Variants in MAPRE3 observed in about 807,000 individuals in gnomAD.
MAPRE3 encodes the protein microtubule associated protein RP/EB family member 3.
Under a neutral mutation model 30.5 loss-of-function variants are expected in MAPRE3, and 2 were observed. The ratio of observed to expected loss-of-function variants is 0.07; its 90% CI spans 0.03 to 0.21. The LOEUF is 0.21. Ranked by LOEUF, MAPRE3 falls within the 10% of genes least tolerant of loss-of-function variation. MAPRE3 has a pLI of 1.00. For synonymous variants in MAPRE3, 110 were observed against 127.7 expected, an observed-to-expected ratio of 0.86 and a Z score of 0.93; for missense variants, 204 against 351.8, an observed-to-expected ratio of 0.58 and a Z score of 3.36.
intron 1 of MAPRE3, among the ~76,000 whole-genome samples, chr2:26,998,513 T>G (rs965135562): frequency 2.0e-5 from 3 of 152,224 alleles, no homozygotes; most frequent in Non-Finnish European, 4.4e-5. Context: ...TCACTGGCTG[T>G]GTTACCTTGA....
intron 4 of MAPRE3, among the ~76,000 whole-genome samples, 183 bp from the exon 5 acceptor site, chr2:27,025,400 T>C (rs959340729): frequency 6.6e-5 from 10 of 152,194 alleles, no homozygotes; most frequent in Admixed American, 1.3e-4. Flanking sequence ...GCCCAGCTGC[T>C]GGAGTGTCCA....
chr2:26,978,986 G>A (rs1666065400), intron 1 of MAPRE3, among the ~76,000 whole-genome samples: 1 of 152,210 alleles, frequency 6.6e-6, no homozygotes, highest in South Asian at 2.1e-4. Flanking sequence ...TCTGGCAAAA[G>A]AGTTGGACAC....
At chr2:26,998,004 C>A (rs1406166877) in intron 1 of MAPRE3, among the ~76,000 whole-genome samples, 1 of 152,222 alleles carries the variant, frequency 6.6e-6, no homozygotes, top group Non-Finnish European at 1.5e-5. Flanking sequence ...GGACCTCACC[C>A]TTTCCTGGGG....
intron 1 of MAPRE3, among the ~76,000 whole-genome samples, chr2:26,998,098 G>A (rs1057351721): frequency 1.3e-5 from 2 of 152,202 alleles, no homozygotes; most frequent in African/African-American, 4.8e-5. Flanking sequence ...TCTTCAGTGG[G>A]TCAACATCTG....
chr2:27,019,780 A>G (rs1190344458), intron 1 of MAPRE3, among the ~76,000 whole-genome samples: 1 of 152,242 alleles, frequency 6.6e-6, no homozygotes, highest in Admixed American at 6.5e-5. Context: ...AAGGAGGAAG[A>G]ACTAGGAATA....
chr2:27,006,213 A>C lies in MAPRE3; in HGVS notation c.-7-15999A>C, dbSNP rs540367586. The stretch of plus-strand genomic sequence containing the variant: ...AAAAACAAAAACAAAAACAAAAAAA[A>C]AACAAGTGTGTGGAAGCCATTAGCT... On this transcript the variant is annotated intron_variant, in intron 1 of 6. Coordinates refer to ENST00000233121, the MANE Select transcript of MAPRE3 (RefSeq NM_012326.4). Among the ~76,000 whole-genome samples, 1,155 of 152,212 alleles carry C rather than the reference A, an allele frequency of 7.6e-3. 8 individuals are homozygous for C. Among genetic ancestry groups the C allele is most frequent in the Non-Finnish European group, 0.012 (802 of 67,994 alleles).
intron 4 of MAPRE3, among the ~76,000 whole-genome samples, chr2:27,025,353 C>T (rs1667213492): frequency 6.6e-6 from 1 of 152,200 alleles, no homozygotes; most frequent in Non-Finnish European, 1.5e-5. Flanking sequence ...TGTTTAGTTC[C>T]CTATAGTTTC....
At position 27,026,313 on chromosome 2, in the gene MAPRE3, G is replaced by A; in HGVS notation, c.811G>A (p.Glu271Lys). The A allele has an allele frequency of 6.2e-7, 1 of 1,614,052 alleles. No individual in the cohort carries two copies. The highest frequency in any genetic ancestry group is 8.5e-7 in the Non-Finnish European group (1 of 1,179,968). Residue 271 changes from glutamate (E) to lysine (K), a missense_variant, in exon 7 of 7, where the codon GAA becomes AAA. Physicochemically the swap from Glu to Lys is moderately conservative, Grantham distance 56 (BLOSUM62 1). Around this residue, in one of 5 missense-constraint regions of MAPRE3, gnomAD observed 26 missense variants for 25.6 expected, o/e 1.02. Transcript: ENST00000233121. ...CGCACCCCCTGAGGACGATGAGATT[G>A]AAGAGCATCAACAAGAAGACCAGGA... Reference protein sequence around the residue: ...GFAPPEDDEIEEHQQEDQDEY With the variant: ...GFAPPEDDEIKEHQQEDQDEY
chr2:27,020,465 G>A (rs116505396), intron 1 of MAPRE3, among the ~76,000 whole-genome samples: 84 of 152,310 alleles, frequency 5.5e-4, no homozygotes, highest in African/African-American at 2.0e-3. Flanking sequence ...TGATAAAGAT[G>A]TGGTTACAAG....
intron 3 of MAPRE3, 81 bp downstream of exon 3, chr2:27,023,558 G>A (rs1333391146): frequency 7.0e-6 from 11 of 1,564,148 alleles, no homozygotes; most frequent in Admixed American, 3.4e-5. Context: ...AGGCAACTGG[G>A]GCTGCTGGGG....
intron 1 of MAPRE3, among the ~76,000 whole-genome samples, chr2:26,982,570 A>T (rs1222921784): frequency 6.6e-6 from 1 of 152,236 alleles, no homozygotes; most frequent in Non-Finnish European, 1.5e-5. Flanking sequence ...GCAGGAGCAA[A>T]AGTGCATTGT....
chr2:26,983,145 G>C lies in MAPRE3; in HGVS notation c.-8+12343G>C, dbSNP rs1265878984. ...AAGCTTCCAGTAAGACAGAGACAGAGATAGACATTCAGAGACGGAACCCAC... is the reference window on the plus strand; with the variant it reads ...AAGCTTCCAGTAAGACAGAGACAGACATAGACATTCAGAGACGGAACCCAC... On this transcript the variant is annotated intron_variant, in intron 1 of 6. Coordinates refer to ENST00000233121, the MANE Select transcript of MAPRE3 (RefSeq NM_012326.4). Among the ~76,000 whole-genome samples the C allele has an allele frequency of 9.9e-5, 15 of 152,274 alleles. 1 individual carries two copies. The South Asian group carries it at 2.9e-3, about 29-fold the overall frequency.
intron 1 of MAPRE3, among the ~76,000 whole-genome samples, chr2:26,982,869 G>T (rs1477897624): frequency 6.6e-6 from 1 of 152,188 alleles, no homozygotes; most frequent in Non-Finnish European, 1.5e-5. Context: ...GTACCTAGGA[G>T]TGAGTATATA....
At chr2:27,017,976 C>T (rs761593411) in intron 1 of MAPRE3, among the ~76,000 whole-genome samples, 6 of 152,214 alleles carry the variant, frequency 3.9e-5, no homozygotes, top group Non-Finnish European at 8.8e-5. Context: ...GAACCATTAG[C>T]AGGTCCAATC....
In MAPRE3 at chr2:27,026,343, T is replaced by G; in HGVS notation, c.841T>G (p.Tyr281Asp). The G allele has an allele frequency of 1.2e-6, 2 of 1,613,428 alleles. No individual in the cohort carries two copies. The highest frequency in any genetic ancestry group is 1.7e-6 in the Non-Finnish European group (2 of 1,179,706). ...GCATCAACAAGAAGACCAGGACGAGTACTGAGGGCGGCCGCAGCCCTGGCT... is the reference window on the plus strand; with the variant it reads ...GCATCAACAAGAAGACCAGGACGAGGACTGAGGGCGGCCGCAGCCCTGGCT... ...EEHQQEDQDE[Y>D] The change falls in exon 7 of 7, where the codon TAC (tyrosine) becomes GAC (aspartate). Residue 281 changes from tyrosine to aspartate, a missense_variant. Tyr to Asp is a radical substitution (Grantham distance 160). Coordinates refer to ENST00000233121, the MANE Select transcript of MAPRE3 (RefSeq NM_012326.4).
intron 1 of MAPRE3, among the ~76,000 whole-genome samples, chr2:26,982,191 T>G (rs893265064): frequency 1.3e-5 from 2 of 152,234 alleles, no homozygotes; most frequent in Non-Finnish European, 2.9e-5. Context: ...TCCTAGATCA[T>G]TCACTTTGAC....
rs141185441 is a variant in MAPRE3, at chr2:26,978,865, A to G, written c.-8+8063A>G. Among the ~76,000 whole-genome samples, 8 of 152,352 alleles carry G rather than the reference A, an allele frequency of 5.3e-5. No homozygotes were observed. The East Asian group carries it at 1.5e-3, about 29-fold the overall frequency. ...GGCTGTAATGTGTGTGGAAGACAAG[A>G]TGGATATATGGAATGATTAGTGCAT... On this transcript the variant is annotated intron_variant, in intron 1 of 6. Coordinates refer to ENST00000233121, the MANE Select transcript of MAPRE3 (RefSeq NM_012326.4).
chr2:26,975,833 A>G (rs1041307638), intron 1 of MAPRE3, among the ~76,000 whole-genome samples: 1 of 152,144 alleles, frequency 6.6e-6, no homozygotes, highest in Non-Finnish European at 1.5e-5. Context: ...AAGCAGGCCC[A>G]GGCAGTTTGC....
At position 27,026,479 on chromosome 2, in the gene MAPRE3, G is replaced by C; in HGVS notation, c.*131G>C. ...TCAGTGCTGCAGCACTGGGGAGCCA[G>C]GCGAGGGGGGCTTGGGGGCATGGGG... On this transcript the variant is annotated 3_prime_UTR_variant, in exon 7 of 7. Coordinates refer to ENST00000233121, the MANE Select transcript of MAPRE3 (RefSeq NM_012326.4). 3 of 755,446 alleles carry C rather than the reference G, an allele frequency of 4.0e-6. No individual in the cohort carries two copies. The South Asian group carries it at 5.7e-5, about 14-fold the overall frequency. The allele number at this position is 755,446 out of a possible 1,614,324, so 46.8% of individuals were successfully genotyped here. A position where few individuals can be genotyped will look rare whatever the true frequency, so the allele number is the denominator to read the frequency against.
Sources: allele counts gnomAD v4.1 joint callset (sites outside exome capture counted in the v4.1 genomes callset), GRCh38; gene constraint gnomAD v4.1.1; regional missense constraint gnomAD v4.1.1; transcripts MANE v1.5; gene names NCBI Gene and HGNC (gene_info 2026-07-23, HGNC 2026-07-21).